SLC22A9: variants seen among roughly 807,000 people sequenced by gnomAD.
The protein encoded by SLC22A9 is solute carrier family 22 member 9, also known as organic anion transporter 7.
Under a neutral mutation model 50.1 loss-of-function variants are expected in SLC22A9, and 64 were observed. That is an observed-to-expected ratio of 1.28 (90% CI 1.04 to 1.57). The LOEUF (loss-of-function observed/expected upper bound fraction) is 1.57. Among genes scored for constraint, SLC22A9 ranks in the 40% most tolerant of loss-of-function variants. The pLI is 0.00. For missense variants in SLC22A9, 757 were observed against 676.1 expected, an observed-to-expected ratio of 1.12 and a Z score of -1.33; for synonymous variants, 261 against 242.5, an observed-to-expected ratio of 1.08 and a Z score of -0.71.
chr11:63,398,083 T>A (rs1030582872), intron 6 of SLC22A9, among the ~76,000 whole-genome samples: 1 of 152,092 alleles, frequency 6.6e-6, no homozygotes, highest in South Asian at 2.1e-4. Flanking sequence ...GGACCCAAGG[T>A]TTTTTAGTCA....
rs186059420 is a variant in SLC22A9 at position 63,384,856 on chromosome 11, T to C, written c.1073+2579T>C. On this transcript the variant is annotated intron_variant, in intron 6 of 9. Transcript: ENST00000279178. ...CTGATTGGTGTGAGACGGTATGTTA[T>C]TGTGGTTTTGATTTGCATTTCTCTA... is the stretch of plus-strand genomic sequence containing the variant. Among the ~76,000 whole-genome samples the C allele has an allele frequency of 3.5e-3, 529 of 152,284 alleles. 5 individuals are homozygous for C. The highest frequency in any genetic ancestry group is 0.012 in the African/African-American group (501 of 41,566).
At chr11:63,395,048 C>A (rs576129855) in intron 6 of SLC22A9, among the ~76,000 whole-genome samples, 3 of 151,820 alleles carry the variant, frequency 2.0e-5, no homozygotes, top group Non-Finnish European at 2.9e-5. Context: ...CTTTCCAGAG[C>A]ATTTTGCATT....
intron 4 of SLC22A9, among the ~76,000 whole-genome samples, chr11:63,375,046 A>G (rs558884790): frequency 2.6e-5 from 4 of 152,290 alleles, no homozygotes; most frequent in Admixed American, 6.5e-5. Flanking sequence ...TACAGAGAGA[A>G]GAGTTCAGAT....
intron 6 of SLC22A9, among the ~76,000 whole-genome samples, chr11:63,403,579 A>G (rs939288689): frequency 1.2e-4 from 18 of 152,232 alleles, no homozygotes; most frequent in African/African-American, 3.8e-4. Context: ...TTAATATTAT[A>G]CTCAACAATA....
At chr11:63,381,508 T>C (rs1220492962) in intron 5 of SLC22A9, among the ~76,000 whole-genome samples, 1 of 152,140 alleles carries the variant, frequency 6.6e-6, no homozygotes, top group Non-Finnish European at 1.5e-5. Flanking sequence ...CTAAAAGTGT[T>C]CTGGGCACTT....
At chr11:63,373,288 T>G (rs184571604) in intron 2 of SLC22A9, among the ~76,000 whole-genome samples, 152 of 152,242 alleles carry the variant, frequency 1.0e-3, no homozygotes, top group African/African-American at 3.5e-3. Flanking sequence ...GCTCAGGCTC[T>G]CTACTATGCT....
At chr11:63,388,614 G>A (rs901438616) in intron 6 of SLC22A9, among the ~76,000 whole-genome samples, 4 of 151,758 alleles carry the variant, frequency 2.6e-5, no homozygotes, top group Non-Finnish European at 4.4e-5. Context: ...TGTTCAACAG[G>A]GATATTAGCC....
intron 6 of SLC22A9, among the ~76,000 whole-genome samples, chr11:63,390,390 A>C (rs2014742637): frequency 6.6e-6 from 1 of 152,142 alleles, no homozygotes; most frequent in Non-Finnish European, 1.5e-5. Flanking sequence ...TGTTTTCTGC[A>C]TGTGGCTAGC....
chr11:63,389,761 T>A (rs1291935766), intron 6 of SLC22A9, among the ~76,000 whole-genome samples: 1 of 152,174 alleles, frequency 6.6e-6, no homozygotes, highest in Non-Finnish European at 1.5e-5. Flanking sequence ...TGCCACACTG[T>A]CTTCCACAAT....
In SLC22A9 at chr11:63,406,616, C is replaced by G; in HGVS notation, c.1193C>G (p.Pro398Arg). 1.2e-6 allele frequency: 2 copies of G among 1,613,826 alleles called. No homozygotes were observed. Among genetic ancestry groups the G allele is most frequent in the Non-Finnish European group, 1.7e-6 (2 of 1,179,856 alleles). The change falls in exon 7 of 10, where the codon CCT (proline) becomes CGT (arginine). Residue 398 changes from proline to arginine, a missense_variant. Pro to Arg is a moderately radical substitution (Grantham distance 103). Coordinates refer to ENST00000279178, the MANE Select transcript of SLC22A9 (RefSeq NM_080866.3). ...ATCCTCCTGGCCAACTGTGTTGCACCTTGGGCACTGAAATACATGAACCGT... is the reference window on the plus strand; with the variant it reads ...ATCCTCCTGGCCAACTGTGTTGCACGTTGGGCACTGAAATACATGAACCGT... ...AVILLANCVA[P>R]WALKYMNRRA... is the part of the protein sequence containing the mutation.
chr11:63,378,831 A>G (rs1476072294), intron 5 of SLC22A9, among the ~76,000 whole-genome samples: 1 of 152,158 alleles, frequency 6.6e-6, no homozygotes, highest in African/African-American at 2.4e-5. Context: ...GAGTTCTACA[A>G]TGAGAACTAC....
intron 6 of SLC22A9, among the ~76,000 whole-genome samples, chr11:63,389,387 T>A (rs188917542): frequency 9.5e-4 from 144 of 151,294 alleles, no homozygotes; most frequent in African/African-American, 3.3e-3. Context: ...TGTGTCCATG[T>A]GTTCTCATTG....
rs1418238118 is a variant in SLC22A9 at position 63,375,901 on chromosome 11, A to G, written c.954+133A>G. ...TGGTTATGGGCTGTATCACCTCACTATCATTTTTAATGGGCTTCAATATTG... is the reference window on the plus strand; with the variant it reads ...TGGTTATGGGCTGTATCACCTCACTGTCATTTTTAATGGGCTTCAATATTG... On this transcript the variant is annotated intron_variant, in intron 5 of 9. Transcript: ENST00000279178. 3.6e-6 allele frequency: 4 copies of G among 1,114,462 alleles called. No homozygotes were observed. In the East Asian group the frequency reaches 7.7e-5, roughly 22 times the overall value. The allele number at this position is 1,114,462 out of a possible 1,614,324, so 69.0% of individuals were successfully genotyped here. A position where few individuals can be genotyped will look rare whatever the true frequency, so the allele number is the denominator to read the frequency against.
intron 6 of SLC22A9, among the ~76,000 whole-genome samples, chr11:63,389,774 T>A (rs1198634415): frequency 6.6e-6 from 1 of 152,186 alleles, no homozygotes; most frequent in African/African-American, 2.4e-5. Flanking sequence ...TCCACAATGG[T>A]TGAACTAATT....
intron 6 of SLC22A9, among the ~76,000 whole-genome samples, chr11:63,405,299 T>A (rs537473): frequency 6.6e-6 from 1 of 151,846 alleles, no homozygotes; most frequent in African/African-American, 2.4e-5. Flanking sequence ...CAAAGTTATC[T>A]CTGGCTTCTG....
At chr11:63,378,593 T>C (rs2014505459) in intron 5 of SLC22A9, among the ~76,000 whole-genome samples, 1 of 152,096 alleles carries the variant, frequency 6.6e-6, no homozygotes, top group South Asian at 2.1e-4. Flanking sequence ...TCTCTTCACA[T>C]ACAATATGAT....
At chr11:63,378,369 A>C (rs754043010) in intron 5 of SLC22A9, among the ~76,000 whole-genome samples, 1 of 152,152 alleles carries the variant, frequency 6.6e-6, no homozygotes, top group Non-Finnish European at 1.5e-5. Context: ...TCGAAGGAGC[A>C]TACCTCAAAA....
intron 2 of SLC22A9, among the ~76,000 whole-genome samples, chr11:63,372,576 A>G (rs1253596764): frequency 2.0e-5 from 3 of 152,128 alleles, no homozygotes; most frequent in Admixed American, 6.6e-5. Flanking sequence ...TTAGATTTCT[A>G]TTGGAATTGC....
Position 63,408,116 on chromosome 11 carries a change from G to A in SLC22A9, c.1293G>A (p.Met431Ile). The change falls in exon 8 of 10, where the codon ATG becomes ATA. Residue 431 changes from methionine to isoleucine, a missense_variant. Transcript: ENST00000279178. ...LLAIIFVPQE[M>I]QTLREVLATL... The stretch of plus-strand genomic sequence containing the variant: ...TTGTGTTCTTCCTTTCTCCAGAAAT[G>A]CAGACGCTGCGTGAGGTTTTGGCAA... The A allele has an allele frequency of 6.2e-7, 1 of 1,613,068 alleles. No homozygotes were observed. The highest frequency in any genetic ancestry group is 2.2e-5 in the East Asian group (1 of 44,836).
Sources: gnomAD v4.1 joint callset for allele counts (sites outside exome capture counted in the v4.1 genomes callset) on GRCh38, gnomAD v4.1.1 for gene constraint, MANE v1.5 for transcripts, NCBI Gene and HGNC (gene_info 2026-07-23, HGNC 2026-07-21) for gene names.